FRMD5: variants seen among roughly 807,000 people sequenced by gnomAD.
FRMD5 encodes FERM domain containing 5.
Under a neutral mutation model 69.0 loss-of-function variants are expected in FRMD5, and 20 were observed. The observed-to-expected ratio is 0.29, with a 90% CI of 0.20 to 0.42. The LOEUF (loss-of-function observed/expected upper bound fraction) is 0.42, where lower values mean the gene tolerates loss of function less well. Ranked by LOEUF, FRMD5 falls within the 10% of genes least tolerant of loss-of-function variation. FRMD5 has a pLI of 1.00. For missense variants in FRMD5, 595 were observed against 708.6 expected, an observed-to-expected ratio of 0.84 and a Z score of 1.82; for synonymous variants, 271 against 260.1, an observed-to-expected ratio of 1.04 and a Z score of -0.40.
intron 7 of FRMD5, among the ~76,000 whole-genome samples, chr15:43,893,122 A>C (rs990323811): frequency 7.0e-6 from 1 of 142,464 alleles, no homozygotes. Context: ...AAAACAAACG[A>C]AAAAACAAAA....
At chr15:43,904,892 A>G (rs1174051951) in intron 6 of FRMD5, among the ~76,000 whole-genome samples, 1 of 152,166 alleles carries the variant, frequency 6.6e-6, no homozygotes, top group Non-Finnish European at 1.5e-5. Context: ...ATGAGGCTCC[A>G]AACTTGAAGC....
chr15:44,144,235 G>A (rs1281838478), intron 1 of FRMD5, among the ~76,000 whole-genome samples: 6 of 152,248 alleles, frequency 3.9e-5, no homozygotes, highest in Admixed American at 3.3e-4. Context: ...TATCTATAGA[G>A]TAGGTATTAT....
At chr15:43,956,805 G>C (rs532136552) in intron 1 of FRMD5, among the ~76,000 whole-genome samples, 1 of 152,328 alleles carries the variant, frequency 6.6e-6, no homozygotes, top group East Asian at 1.9e-4. Context: ...GTAAAGCAAG[G>C]AGGGGATTAC....
At chr15:43,954,100 T>C (rs1051343334) in intron 1 of FRMD5, among the ~76,000 whole-genome samples, 1 of 152,174 alleles carries the variant, frequency 6.6e-6, no homozygotes, top group African/African-American at 2.4e-5. Context: ...GCAAGCTACC[T>C]GGCCAAGCCC....
At chr15:44,123,538 C>G (rs939308361) in intron 1 of FRMD5, among the ~76,000 whole-genome samples, 1 of 151,840 alleles carries the variant, frequency 6.6e-6, no homozygotes, top group African/African-American at 2.4e-5. Context: ...ATTTATATAC[C>G]TAGCTTGTTT....
intron 1 of FRMD5, among the ~76,000 whole-genome samples, chr15:44,148,339 T>C (rs1426391382): frequency 6.6e-6 from 1 of 152,066 alleles, no homozygotes; most frequent in Non-Finnish European, 1.5e-5. Flanking sequence ...GGGCGCAATC[T>C]AGGCTCACTG....
At chr15:43,954,831 G>C (rs977851701) in intron 1 of FRMD5, among the ~76,000 whole-genome samples, 1 of 152,168 alleles carries the variant, frequency 6.6e-6, no homozygotes, top group African/African-American at 2.4e-5. Flanking sequence ...AAGTGCTACA[G>C]TGCTTAGTAC....
At chr15:44,143,798 A>C (rs1301463935) in intron 1 of FRMD5, among the ~76,000 whole-genome samples, 2 of 151,084 alleles carry the variant, frequency 1.3e-5, no homozygotes, top group Non-Finnish European at 1.5e-5. Flanking sequence ...GGCGGCACGC[A>C]CCTGTTGTCC....
intron 1 of FRMD5, among the ~76,000 whole-genome samples, chr15:44,009,570 T>C (rs1188923173): frequency 2.0e-5 from 3 of 152,170 alleles, no homozygotes; most frequent in African/African-American, 7.2e-5. Context: ...TCCCAGCTAC[T>C]CAGCTGGCTG....
chr15:44,166,456 CTTTTTT>C (rs2077710271), intron 1 of FRMD5, among the ~76,000 whole-genome samples: 1 of 151,918 alleles, frequency 6.6e-6, no homozygotes, highest in African/African-American at 2.4e-5. Context: ...GGATCTTTTT[CTTTTTT>C]ATTTCTCTCG....
chr15:44,154,892 A>C (rs1250351577), intron 1 of FRMD5, among the ~76,000 whole-genome samples: 2 of 152,194 alleles, frequency 1.3e-5, no homozygotes, highest in Non-Finnish European at 2.9e-5. Flanking sequence ...AAAGCCACTT[A>C]ATTGTACACT....
chr15:44,187,084 A>C (rs2078114111), intron 1 of FRMD5, among the ~76,000 whole-genome samples: 2 of 152,206 alleles, frequency 1.3e-5, no homozygotes, highest in African/African-American at 4.8e-5. Flanking sequence ...TGTATTCATC[A>C]AAGGATTTTC....
intron 1 of FRMD5, among the ~76,000 whole-genome samples, chr15:44,082,884 A>C (rs1015896403): frequency 6.6e-6 from 1 of 152,032 alleles, no homozygotes; most frequent in Non-Finnish European, 1.5e-5. Flanking sequence ...TTGCAGGTGT[A>C]CTGAAGGAAG....
At chr15:44,154,544 A>G (rs1009629279) in intron 1 of FRMD5, among the ~76,000 whole-genome samples, 34 of 152,230 alleles carry the variant, frequency 2.2e-4, no homozygotes, top group Non-Finnish European at 1.2e-4. Flanking sequence ...TAATCAGTGC[A>G]TACTTAGAAG....
chr15:44,034,981 C>G (rs11070419), intron 1 of FRMD5, among the ~76,000 whole-genome samples: 136,972 of 152,226 alleles, frequency 0.9, 62,224 homozygotes, highest in East Asian at 1. Context: ...AGTGAATGTT[C>G]CTTGCTCCCC....
chr15:44,191,890 T>C (rs1411788339), intron 1 of FRMD5, among the ~76,000 whole-genome samples: 1 of 24,022 alleles, frequency 4.2e-5, no homozygotes, highest in Admixed American at 8.8e-4. Context: ...ATAAATGTGG[T>C]AAATATATAT....
chr15:44,195,626 C>T (rs1407663013), upstream of FRMD5, among the ~76,000 whole-genome samples: 1 of 152,190 alleles, frequency 6.6e-6, no homozygotes, highest in East Asian at 1.9e-4. Context: ...TGCAACACCG[C>T]GGTTCCCGCC....
At chr15:43,892,505 G>A (rs2088815883) in intron 7 of FRMD5, among the ~76,000 whole-genome samples, 1 of 152,216 alleles carries the variant, frequency 6.6e-6, no homozygotes. Context: ...AAAAATGCAT[G>A]TCCACACAGA....
intron 13 of FRMD5, 31 bp from the exon 14 acceptor site, chr15:43,874,493 G>A (rs758170980): frequency 5.8e-6 from 9 of 1,543,384 alleles, no homozygotes; most frequent in Non-Finnish European, 7.2e-6. Flanking sequence ...TGAGTAGGCT[G>A]TGTCCCAATG....
Sources: allele counts gnomAD v4.1 joint callset (sites outside exome capture counted in the v4.1 genomes callset), GRCh38; gene constraint gnomAD v4.1.1; transcripts MANE v1.5; gene names NCBI Gene and HGNC (gene_info 2026-07-23, HGNC 2026-07-21).